The following KTN1 variants were observed in gnomAD, a reference collection of about 807,000 sequenced individuals.
KTN1 encodes kinectin 1.
A neutral mutation model predicts 222.5 loss-of-function variants in KTN1; 130 were observed. That is an observed-to-expected ratio of 0.58 (90% CI 0.51 to 0.68). The LOEUF is 0.68. KTN1 is among the 30% of genes least tolerant of loss of function. The pLI, the probability that KTN1 is intolerant of heterozygous loss-of-function variation, is 0.00. For missense variants in KTN1, 1,508 were observed against 1,500.4 expected (o/e 1.01, Z -0.08); for synonymous variants, 512 against 496.3 (o/e 1.03, Z -0.42).
chr14:55,638,739 T>C (rs929968529), intron 12 of KTN1, among the ~76,000 whole-genome samples: 2 of 151,846 alleles, frequency 1.3e-5, no homozygotes, highest in Non-Finnish European at 3.0e-5. Context: ...AAAAAATTTA[T>C]CAGGAGTTAA....
chr14:55,630,522 G>A lies in KTN1; in HGVS notation c.1221+425G>A, dbSNP rs116732779. ...GGTGATAGTTCAGTGGGTATATTTT[G>A]GGACCCAGGACTGAGCTTTTTAATG... On this transcript the variant is annotated intron_variant, in intron 7 of 43. Transcript: ENST00000395314. 4.2e-3 allele frequency among the ~76,000 whole-genome samples: 643 copies of A among 152,226 alleles called. 2 individuals are homozygous for A. The highest frequency in any genetic ancestry group is 0.017 in the Middle Eastern group (5 of 294).
intron 1 of KTN1, among the ~76,000 whole-genome samples, chr14:55,595,117 A>C (rs1285405059): frequency 6.6e-6 from 1 of 152,236 alleles, no homozygotes; most frequent in Non-Finnish European, 1.5e-5. Flanking sequence ...GCATATGTAC[A>C]CGAAGCATAT....
intron 1 of KTN1, among the ~76,000 whole-genome samples, chr14:55,596,559 C>T (rs1257379779): frequency 6.6e-6 from 1 of 152,158 alleles, no homozygotes; most frequent in Non-Finnish European, 1.5e-5. Context: ...ATCCTCTTAC[C>T]TCATATTTCT....
chr14:55,614,278 T>C (rs1205133603), intron 2 of KTN1, among the ~76,000 whole-genome samples: 1 of 152,200 alleles, frequency 6.6e-6, no homozygotes, highest in Non-Finnish European at 1.5e-5. Context: ...AAGAACAGAT[T>C]TCATGGGGCA....
intron 1 of KTN1, among the ~76,000 whole-genome samples, chr14:55,598,517 T>A (rs541836764): frequency 5.4e-5 from 8 of 148,142 alleles, no homozygotes; most frequent in African/African-American, 9.8e-5. Context: ...AAAAAAAAAA[T>A]TACATTCTGG....
Position 55,658,613 on chromosome 14 carries a change from AG to A in KTN1, c.2961+1del. 6.3e-7 allele frequency: 1 copy of A among 1,596,516 alleles called. No homozygotes were observed. The highest frequency in any genetic ancestry group is 8.6e-7 in the Non-Finnish European group (1 of 1,166,304). On this transcript the variant is annotated frameshift_variant and splice_region_variant, in exon 30 of 44. Transcript: ENST00000395314. LOFTEE classifies it high-confidence loss of function. ...CAGCTTAAACAACAAAACTACCAAC[AG>A]GTAGGTATTATTAGATGTCTTGCCT... ...IEQLKQQNYQ[Q>X]ASSFPPHEEL...
intron 43 of KTN1, chr14:55,681,112 T>G: frequency 5.4e-6 from 1 of 184,056 alleles, no homozygotes; most frequent in Non-Finnish European, 1.2e-5. Context: ...TCTACTTATT[T>G]ATTGTTATTG....
intron 34 of KTN1, 33 bp from the exon 35 acceptor site, chr14:55,670,696 G>A (rs1311423714): frequency 7.0e-7 from 1 of 1,437,996 alleles, no homozygotes; most frequent in African/African-American, 1.4e-5. Flanking sequence ...TTTTTCTTTG[G>A]AAATTAATGA....
chr14:55,674,607 A>G (rs535220839), intron 40 of KTN1: 51 of 152,238 alleles, frequency 3.4e-4, no homozygotes, highest in African/African-American at 1.2e-3. Flanking sequence ...TCCTCACTCT[A>G]TGTTTTTAAA....
In KTN1 at chr14:55,650,616, C is replaced by G; in HGVS notation, c.2544C>G (p.Val848=). ...IKALKEEIGN[V]QLEKAQQLSI... is the part of the protein sequence containing the mutation. ...CTCTAAAAGAAGAAATAGGAAATGT[C>G]CAGCTTGAAAAGGCTCAACAGGTAA... Residue 848 remains valine (V), a synonymous_variant, in exon 24 of 44, where the codon GTC becomes GTG. Coordinates refer to ENST00000395314, the MANE Select transcript of KTN1 (RefSeq NM_001079521.2). 6.2e-7 allele frequency: 1 copy of G among 1,611,830 alleles called. No individual in the cohort carries two copies. Among genetic ancestry groups the G allele is most frequent in the Non-Finnish European group, 8.5e-7 (1 of 1,178,166 alleles).
chr14:55,668,857 C>T (rs1304109519), intron 34 of KTN1: 1 of 152,038 alleles, frequency 6.6e-6, no homozygotes. Flanking sequence ...GTATAGCCTA[C>T]ATTTATTTCA....
In KTN1 at chr14:55,680,721, T is replaced by G. The variant is rs754989771; in HGVS notation, c.4069+1036T>G. The stretch of plus-strand genomic sequence containing the variant: ...CTCTGGCCTACCTTGACACATGCTC[T>G]CCTTCAAAATGCTAATTCAGGTCAG... On this transcript the variant is annotated intron_variant, in intron 43 of 43. Transcript: ENST00000395314. 2.9e-6 allele frequency: 4 copies of G among 1,365,874 alleles called. No individual in the cohort carries two copies. In the Admixed American group the frequency reaches 7.6e-5, roughly 26 times the overall value. 84.6% of individuals were successfully genotyped at this position (1,365,874 alleles called of 1,614,324 possible).
chr14:55,630,573 A>G (rs1201868324), intron 7 of KTN1, among the ~76,000 whole-genome samples: 2 of 152,158 alleles, frequency 1.3e-5, no homozygotes, highest in Non-Finnish European at 2.9e-5. Context: ...TTACCAGTAC[A>G]GATTGTCTAG....
At chr14:55,650,452 TTG>T in intron 23 of KTN1, 34 bp downstream of exon 23, 1 of 1,556,822 alleles carries the variant, frequency 6.4e-7, no homozygotes, top group Non-Finnish European at 8.8e-7. Flanking sequence ...TTTTATGTTT[TTG>T]TTTATCAACT....
At chr14:55,635,691 A>G (rs115315080) in intron 9 of KTN1, among the ~76,000 whole-genome samples, 4 of 152,198 alleles carry the variant, frequency 2.6e-5, no homozygotes, top group African/African-American at 9.7e-5. Context: ...ATAATTCTCT[A>G]TTCCTGCTTT....
chr14:55,611,263 C>CTTTTTTTTTTTT (rs897315974), intron 1 of KTN1, among the ~76,000 whole-genome samples: 2 of 116,060 alleles, frequency 1.7e-5, no homozygotes, highest in African/African-American at 3.5e-5. Flanking sequence ...ATTTTCTTGT[C>CTTTTTTTTTTTT]TTTTTTTTTT....
At chr14:55,637,104 A>C (rs939572452) in intron 10 of KTN1, 94 bp from the exon 11 acceptor site, 3 of 845,740 alleles carry the variant, frequency 3.5e-6, no homozygotes, top group African/African-American at 3.5e-5. Context: ...GATTCAAAGA[A>C]GGTTTTCTAG....
intron 1 of KTN1, among the ~76,000 whole-genome samples, chr14:55,599,515 A>G (rs1010774336): frequency 3.3e-5 from 5 of 151,400 alleles, no homozygotes; most frequent in Admixed American, 1.3e-4. Context: ...CCCAGGGCGG[A>G]GTGCAGTGGC....
In KTN1 at chr14:55,648,051, A is replaced by C. The variant is rs1179425555; in HGVS notation, c.2234A>C (p.Lys745Thr). 3.9e-6 allele frequency: 6 copies of C among 1,548,168 alleles called. No homozygotes were observed. The South Asian group carries it at 7.4e-5, about 19-fold the overall frequency. The change falls in exon 20 of 44, where the codon AAG becomes ACG. Residue 745 changes from lysine to threonine, a missense_variant. By Grantham distance (78) the Lys-to-Thr change is moderately conservative. Transcript: ENST00000395314. ...ATTCAAGAAAAAGATGAGAAGTTAA[A>C]GACTGTGGAAGAATTACTTGAAACT... is the stretch of plus-strand genomic sequence containing the variant. ...KCIQEKDEKL[K>T]TVEELLETGL...
Sources: allele counts gnomAD v4.1 joint callset (sites outside exome capture counted in the v4.1 genomes callset), GRCh38; gene constraint gnomAD v4.1.1; transcripts MANE v1.5; gene names NCBI Gene and HGNC (gene_info 2026-07-23, HGNC 2026-07-21).